The following RBFOX1 variants were observed in gnomAD, a reference collection of about 807,000 sequenced individuals.
The protein encoded by RBFOX1 is RNA binding protein fox-1 homolog 1.
Under a neutral mutation model 57.7 loss-of-function variants are expected in RBFOX1, and 8 were observed. The observed-to-expected ratio is 0.14, with a 90% CI of 0.08 to 0.25. The LOEUF (loss-of-function observed/expected upper bound fraction) is 0.25. Among genes scored for constraint, RBFOX1 ranks in the 10% least tolerant of loss-of-function variants. The pLI is 1.00. For synonymous variants in RBFOX1, 326 were observed against 222.4 expected, an observed-to-expected ratio of 1.47 and a Z score of -4.15; for missense variants, 611 against 548.5, an observed-to-expected ratio of 1.11 and a Z score of -1.14.
intron 2 of RBFOX1, among the ~76,000 whole-genome samples, chr16:5,580,657 T>G (rs73519513): frequency 6.6e-6 from 1 of 152,080 alleles, no homozygotes; most frequent in Admixed American, 6.5e-5. Flanking sequence ...CTGGATACCT[T>G]TGGGGAGAGG....
intron 4 of RBFOX1, among the ~76,000 whole-genome samples, chr16:7,504,752 TATTTATATATATATATATTTA>T (rs2072466944): frequency 1.3e-3 from 8 of 6,140 alleles, no homozygotes; most frequent in South Asian, 0.012. Context: ...TATATATATA[TATTTATATATATATATATTTA>T]TATATATATA....
At chr16:5,256,891 G>A (rs1283918263) in intron 1 of RBFOX1, among the ~76,000 whole-genome samples, 7 of 151,744 alleles carry the variant, frequency 4.6e-5, no homozygotes, top group African/African-American at 1.7e-4. Flanking sequence ...CTGAGATGGC[G>A]CCACTGCACT....
intron 4 of RBFOX1, among the ~76,000 whole-genome samples, chr16:7,124,513 TC>T (rs1567351166): frequency 8.5e-5 from 2 of 23,568 alleles, no homozygotes; most frequent in Admixed American, 4.3e-4. Context: ...CCCCCTCCCC[TC>T]CCCTCCCCTC....
intron 1 of RBFOX1, among the ~76,000 whole-genome samples, chr16:6,200,196 A>C (rs1461037122): frequency 3.9e-5 from 6 of 152,224 alleles, no homozygotes; most frequent in African/African-American, 1.4e-4. Context: ...ACTTCTGGAA[A>C]GATGAATACA....
At chr16:5,451,911 G>T (rs1355296105) in intron 1 of RBFOX1, among the ~76,000 whole-genome samples, 1 of 151,964 alleles carries the variant, frequency 6.6e-6, no homozygotes, top group Non-Finnish European at 1.5e-5. Flanking sequence ...CCTACCTCTG[G>T]GCTTCTCCCT....
At chr16:5,551,198 C>T (rs564276451) in intron 2 of RBFOX1, among the ~76,000 whole-genome samples, 1 of 152,300 alleles carries the variant, frequency 6.6e-6, no homozygotes, top group Admixed American at 6.5e-5. Flanking sequence ...GCTCTTACCC[C>T]GTGACTTCCT....
intron 1 of RBFOX1, among the ~76,000 whole-genome samples, chr16:6,259,618 G>A (rs1039913617): frequency 6.6e-6 from 1 of 152,012 alleles, no homozygotes; most frequent in Non-Finnish European, 1.5e-5. Context: ...CAAGTGGATT[G>A]GTGACTGAAA....
intron 1 of RBFOX1, among the ~76,000 whole-genome samples, chr16:5,454,958 C>CCTTTCCTT (rs2068574478): frequency 6.6e-5 from 2 of 30,384 alleles, no homozygotes; most frequent in African/African-American, 2.9e-4. Flanking sequence ...TTCCTTCCTT[C>CCTTTCCTT]CTTTCTTTCT....
chr16:5,726,598 G>C (rs184789005), intron 3 of RBFOX1, among the ~76,000 whole-genome samples: 2 of 152,160 alleles, frequency 1.3e-5, no homozygotes, highest in Non-Finnish European at 2.9e-5. Flanking sequence ...AAAGGAATCT[G>C]CTGCTTCTCA....
At position 5,507,215 on chromosome 16, in the gene RBFOX1, A is replaced by G. The variant is rs74889602; in HGVS notation, c.258+39961A>G. 4.7e-3 allele frequency among the ~76,000 whole-genome samples: 716 copies of G among 152,272 alleles called. 10 individuals carry two copies. Among genetic ancestry groups the G allele is most frequent in the African/African-American group, 0.017 (688 of 41,542 alleles). Reference sequence around the variant, plus strand: ...GCCTGGCACCGAATAAGCAACACCAACCACTGCGGCCACCATGACTGTCAT... The same window carrying G: ...GCCTGGCACCGAATAAGCAACACCAGCCACTGCGGCCACCATGACTGTCAT... On this transcript the variant is annotated intron_variant, in intron 2 of 2. Transcript: ENST00000585867.
chr16:6,755,485 G>A (rs2075644583), intron 3 of RBFOX1, among the ~76,000 whole-genome samples: 1 of 151,992 alleles, frequency 6.6e-6, no homozygotes, highest in Non-Finnish European at 1.5e-5. Context: ...GTGTTTTTTG[G>A]CTGCATAAAT....
chr16:6,680,815 C>T (rs982114674), intron 3 of RBFOX1, among the ~76,000 whole-genome samples: 2 of 152,092 alleles, frequency 1.3e-5, no homozygotes, highest in African/African-American at 4.8e-5. Context: ...ATAAATGTTG[C>T]AATATTAAAA....
At chr16:7,196,117 A>C (rs142119708) in intron 4 of RBFOX1, among the ~76,000 whole-genome samples, 228 of 151,270 alleles carry the variant, frequency 1.5e-3, no homozygotes, top group East Asian at 3.5e-3. Context: ...TCATCATCCT[A>C]CTCCTCCTCA....
chr16:7,284,292 G>T (rs572227648), intron 4 of RBFOX1, among the ~76,000 whole-genome samples: 1 of 152,098 alleles, frequency 6.6e-6, no homozygotes, highest in African/African-American at 2.4e-5. Flanking sequence ...AAATTCCTAG[G>T]AGTGGTGTTG....
In RBFOX1 at chr16:5,421,803, T is replaced by C. The variant is rs546807016; in HGVS notation, c.220-45413T>C. ...ATCCAGATGAGCCTAAGAAACCCAA[T>C]AGAAAAATGGATATGGAGAGGCCGT... is the stretch of plus-strand genomic sequence containing the variant. On this transcript the variant is annotated intron_variant, in intron 1 of 2. Transcript: ENST00000585867. Among the ~76,000 whole-genome samples, 3 of 152,198 alleles carry C rather than the reference T, an allele frequency of 2.0e-5. No individual in the cohort carries two copies. The East Asian group carries it at 5.8e-4, about 29-fold the overall frequency.
At chr16:6,584,526 C>T (rs999534044) in intron 2 of RBFOX1, among the ~76,000 whole-genome samples, 3 of 151,944 alleles carry the variant, frequency 2.0e-5, no homozygotes, top group Non-Finnish European at 4.4e-5. Flanking sequence ...CCCCACCACA[C>T]CCAGCTAATT....
intron 3 of RBFOX1, among the ~76,000 whole-genome samples, chr16:6,950,113 A>T (rs1052531815): frequency 6.6e-5 from 8 of 120,932 alleles, no homozygotes; most frequent in African/African-American, 1.4e-4. Context: ...CGCAGAGGTA[A>T]TTTTTTTTTT....
chr16:6,782,501 T>A (rs571890015), intron 3 of RBFOX1, among the ~76,000 whole-genome samples: 11 of 152,256 alleles, frequency 7.2e-5, no homozygotes, highest in Admixed American at 2.6e-4. Context: ...TTTTCATGGT[T>A]CAATCTTGGT....
Position 7,501,075 on chromosome 16 carries a change from T to C in RBFOX1, c.28-17072T>C, listed in dbSNP as rs1210263248. On this transcript the variant is annotated intron_variant, in intron 4 of 15. Coordinates refer to ENST00000550418, the MANE Select transcript of RBFOX1 (RefSeq NM_018723.4). ...CTCTCCAGCCAGGCTGAACTGTGAG[T>C]CAACCTCTTTCCTTTATAAATTACC... 2.6e-5 allele frequency among the ~76,000 whole-genome samples: 4 copies of C among 152,168 alleles called. No individual in the cohort carries two copies. In the East Asian group the frequency reaches 7.7e-4, roughly 29 times the overall value.
Sources: allele counts gnomAD v4.1 joint callset (sites outside exome capture counted in the v4.1 genomes callset), GRCh38; gene constraint gnomAD v4.1.1; transcripts MANE v1.5; gene names NCBI Gene and HGNC (gene_info 2026-07-23, HGNC 2026-07-21).